Variants in CAMK4 observed in about 807,000 individuals in gnomAD.
The protein encoded by CAMK4 is calcium/calmodulin-dependent protein kinase type IV.
Under a neutral mutation model 44.9 loss-of-function variants are expected in CAMK4, and 22 were observed. The ratio of observed to expected loss-of-function variants is 0.49; its 90% CI spans 0.35 to 0.70. The LOEUF (loss-of-function observed/expected upper bound fraction) is 0.70. CAMK4 is among the 30% of genes least tolerant of loss of function. The probability of loss-of-function intolerance (pLI) is 0.01; values close to 1 mark genes in which losing one functional copy is unlikely to be tolerated. For missense variants in CAMK4, 498 were observed against 586.8 expected (o/e 0.85, Z 1.56); for synonymous variants, 218 against 215.4 (o/e 1.01, Z -0.11).
At position 111,224,900 on chromosome 5, in the gene CAMK4, A is replaced by G. The variant is rs1348112573; in HGVS notation, c.161+256A>G. On this transcript the variant is annotated intron_variant, in intron 1 of 10. Coordinates refer to ENST00000282356, the MANE Select transcript of CAMK4 (RefSeq NM_001744.6). The surrounding 1 kb of genome is among the most constrained non-coding windows in gnomAD (Gnocchi z 5.7). Reference sequence around the variant, plus strand: ...CCTTCCCTCCTTCTCGCAGGCTGCCACTTCCCTTGGGTGACAGCTCCCACC... The same window carrying G: ...CCTTCCCTCCTTCTCGCAGGCTGCCGCTTCCCTTGGGTGACAGCTCCCACC... Among the ~76,000 whole-genome samples the G allele has an allele frequency of 3.4e-5, 5 of 145,104 alleles. No individual in the cohort carries two copies. Among genetic ancestry groups the G allele is most frequent in the African/African-American group, 1.3e-4 (5 of 39,506 alleles).
chr5:111,467,963 CACACACA>C (rs1754906108), intron 7 of CAMK4, among the ~76,000 whole-genome samples: 1 of 151,702 alleles, frequency 6.6e-6, no homozygotes, highest in African/African-American at 2.4e-5. Flanking sequence ...CACACACACA[CACACACA>C]CCATGGAATA....
intron 1 of CAMK4, among the ~76,000 whole-genome samples, chr5:111,320,759 G>T (rs1748630402): frequency 6.6e-6 from 1 of 152,182 alleles, no homozygotes; most frequent in Non-Finnish European, 1.5e-5. Flanking sequence ...ACCCGCCTCG[G>T]CCTCCCAAAG....
chr5:111,492,241 T>C lies in CAMK4; in HGVS notation c.*7775T>C, dbSNP rs567557371. On this transcript the variant is annotated 3_prime_UTR_variant, in exon 11 of 11. Coordinates refer to ENST00000282356, the MANE Select transcript of CAMK4 (RefSeq NM_001744.6). Reference sequence around the variant, plus strand: ...TGTAACCAAAAGGTCACAAATGAAATATTTAGTAGAAAGTGCAATATCAAT... The same window carrying C: ...TGTAACCAAAAGGTCACAAATGAAACATTTAGTAGAAAGTGCAATATCAAT... The C allele has an allele frequency of 1.3e-5, 2 of 152,300 alleles. No homozygotes were observed. Among genetic ancestry groups the C allele is most frequent in the South Asian group, 4.1e-4 (2 of 4,832 alleles). The allele number at this position is 152,300 out of a possible 1,614,324, so 9.4% of individuals were successfully genotyped here. A position where few individuals can be genotyped will look rare whatever the true frequency, so the allele number is the denominator to read the frequency against.
intron 5 of CAMK4, among the ~76,000 whole-genome samples, chr5:111,409,444 G>T (rs1241451885): frequency 6.6e-6 from 1 of 152,234 alleles, no homozygotes; most frequent in Admixed American, 6.5e-5. Context: ...CAGCAGGGGA[G>T]CCCTGGGTCA....
chr5:111,399,057 A>G (rs1752126197), intron 5 of CAMK4, among the ~76,000 whole-genome samples: 1 of 152,142 alleles, frequency 6.6e-6, no homozygotes, highest in South Asian at 2.1e-4. Flanking sequence ...TTCCATGCTT[A>G]TAGCAGCAGT....
intron 2 of CAMK4, among the ~76,000 whole-genome samples, chr5:111,355,770 G>T (rs1750321540): frequency 7.0e-6 from 1 of 142,194 alleles, no homozygotes; most frequent in Admixed American, 7.1e-5. Flanking sequence ...TTTTGTCCTT[G>T]CGATAGTTTA....
intron 7 of CAMK4, 124 bp from the exon 8 acceptor site, chr5:111,473,187 A>G: frequency 1.4e-6 from 1 of 736,290 alleles, no homozygotes; most frequent in Admixed American, 2.0e-5. Context: ...GTTTGGGGAG[A>G]GAAGATTGGT....
chr5:111,321,807 G>C (rs1748674926), intron 1 of CAMK4, among the ~76,000 whole-genome samples: 2 of 152,088 alleles, frequency 1.3e-5, no homozygotes, highest in Admixed American at 1.3e-4. Flanking sequence ...TTAAAAAGCT[G>C]CCTGGAACAC....
intron 1 of CAMK4, among the ~76,000 whole-genome samples, chr5:111,311,966 G>C (rs1748223641): frequency 1.3e-4 from 20 of 152,118 alleles, no homozygotes; most frequent in Admixed American, 1.3e-3. Context: ...CAGATTAAAA[G>C]TTACATCATA....
In CAMK4 at chr5:111,273,704, TATATATATATATATACAC is replaced by T. The variant is rs1561377895; in HGVS notation, c.161+49062_161+49079del. 5.6e-5 allele frequency among the ~76,000 whole-genome samples: 3 copies of T among 53,360 alleles called. 1 individual carries two copies. Among genetic ancestry groups the T allele is most frequent in the African/African-American group, 3.7e-4 (3 of 8,218 alleles). The allele number at this position is 53,360 out of a possible 152,430, so 35.0% of individuals were successfully genotyped here. A position where few individuals can be genotyped will look rare whatever the true frequency, so the allele number is the denominator to read the frequency against. ...ATATATATATATATATATATATATA[TATATATATATATATACAC>T]ACACATACATACACACACACACGCT... On this transcript the variant is annotated intron_variant, in intron 1 of 10. Transcript: ENST00000282356.
intron 1 of CAMK4, among the ~76,000 whole-genome samples, chr5:111,335,273 A>T (rs1275207499): frequency 6.6e-6 from 1 of 151,458 alleles, no homozygotes; most frequent in Non-Finnish European, 1.5e-5. Flanking sequence ...AATGCCCTTG[A>T]TGCTAAATTG....
intron 5 of CAMK4, among the ~76,000 whole-genome samples, chr5:111,424,356 G>A (rs909213976): frequency 1.3e-5 from 2 of 149,558 alleles, no homozygotes; most frequent in Admixed American, 1.3e-4. Context: ...CTTAGTGAAA[G>A]AGAATCACAT....
At chr5:111,414,588 G>C (rs1322076826) in intron 5 of CAMK4, among the ~76,000 whole-genome samples, 2 of 152,038 alleles carry the variant, frequency 1.3e-5, no homozygotes, top group Admixed American at 6.6e-5. Context: ...GAATAAAATA[G>C]AAAAGGATAA....
chr5:111,484,000 C>T, intron 10 of CAMK4, 26 bp from the exon 11 acceptor site: 1 of 1,524,568 alleles, frequency 6.6e-7, no homozygotes, highest in South Asian at 1.3e-5. Flanking sequence ...AGAGGTAACA[C>T]TTGACACTCT....
At chr5:111,286,853 TTTGA>T in intron 1 of CAMK4, among the ~76,000 whole-genome samples, 2 of 152,312 alleles carry the variant, frequency 1.3e-5, no homozygotes. Context: ...AAACTAACTT[TTTGA>T]TTGCTTAATG....
intron 2 of CAMK4, among the ~76,000 whole-genome samples, chr5:111,368,506 C>T (rs1047107243): frequency 6.6e-6 from 1 of 152,086 alleles, no homozygotes; most frequent in Non-Finnish European, 1.5e-5. Context: ...GACATGATAC[C>T]TTTAAAGAGA....
At chr5:111,300,864 G>C (rs1206597503) in intron 1 of CAMK4, among the ~76,000 whole-genome samples, 1 of 152,164 alleles carries the variant, frequency 6.6e-6, no homozygotes, top group South Asian at 2.1e-4. Flanking sequence ...TAGTCAAATG[G>C]ATATGCAGAA....
intron 1 of CAMK4, among the ~76,000 whole-genome samples, chr5:111,248,180 T>C (rs1337333580): frequency 2.0e-5 from 3 of 152,232 alleles, no homozygotes; most frequent in Non-Finnish European, 2.9e-5. Context: ...TGTAAGCTCC[T>C]TTGGAATCAT....
intron 2 of CAMK4, among the ~76,000 whole-genome samples, chr5:111,352,637 C>CACAGAGAGAG (rs146925002): frequency 9.2e-6 from 1 of 109,104 alleles, no homozygotes; most frequent in Admixed American, 1.0e-4. Flanking sequence ...GGCAGAATAG[C>CACAGAGAGAG]AGAGAGAGAG....
Sources: gnomAD v4.1 joint callset for allele counts (sites outside exome capture counted in the v4.1 genomes callset) on GRCh38, gnomAD v4.1.1 for gene constraint, Gnocchi (gnomAD v3.1) non-coding constraint, MANE v1.5 for transcripts, NCBI Gene and HGNC (gene_info 2026-07-23, HGNC 2026-07-21) for gene names.